Variants in HSPA12A observed in about 807,000 individuals in gnomAD.
HSPA12A encodes the protein heat shock protein family A (Hsp70) member 12A, also known as heat shock 70 kDa protein 12A.
HSPA12A carries 28 observed loss-of-function variants against 69.2 expected under a neutral mutation model. The observed-to-expected ratio is 0.40, with a 90% CI of 0.30 to 0.55. The LOEUF is 0.55. Among genes scored for constraint, HSPA12A ranks in the 20% least tolerant of loss-of-function variants. The pLI is 0.38. For synonymous variants in HSPA12A, 345 were observed against 370.5 expected, an observed-to-expected ratio of 0.93 and a Z score of 0.79; for missense variants, 686 against 900.7, an observed-to-expected ratio of 0.76 and a Z score of 3.05.
At chr10:116,836,433 T>TC (rs1845711751) in intron 1 of HSPA12A, among the ~76,000 whole-genome samples, 1 of 152,178 alleles carries the variant, frequency 6.6e-6, no homozygotes, top group South Asian at 2.1e-4. Flanking sequence ...GAACCCTTTC[T>TC]CCCACTCTCT....
At position 116,750,753 on chromosome 10, in the gene HSPA12A, T is replaced by C. The variant is rs117925058; in HGVS notation, c.92-43468A>G. Reference sequence around the variant, plus strand: ...CACTCTGGGAGGCCAAGCGGGAGGATTGCTTGAGCCCAGGAGTTTGAGACC... The same window carrying C: ...CACTCTGGGAGGCCAAGCGGGAGGACTGCTTGAGCCCAGGAGTTTGAGACC... On this transcript the variant is annotated intron_variant, in intron 2 of 12. Transcript: ENST00000635765. 7.0e-4 allele frequency: 122 copies of C among 173,226 alleles called. 1 individual carries two copies. In the East Asian group the frequency reaches 0.018, roughly 26 times the overall value. 10.7% of individuals were successfully genotyped at this position (173,226 alleles called of 1,614,324 possible).
intron 1 of HSPA12A, among the ~76,000 whole-genome samples, chr10:116,726,721 T>C (rs558672352): frequency 1.3e-5 from 2 of 152,332 alleles, no homozygotes; most frequent in South Asian, 2.1e-4. Context: ...ATGAACGGCA[T>C]GGCCCTACTG....
chr10:116,818,900 T>A (rs1177068107), intron 2 of HSPA12A, among the ~76,000 whole-genome samples: 3 of 152,264 alleles, frequency 2.0e-5, no homozygotes, highest in Non-Finnish European at 4.4e-5. Flanking sequence ...GGAGCAATCA[T>A]CGCACCTAAG....
chr10:116,822,914 C>T (rs1845431694), intron 2 of HSPA12A, among the ~76,000 whole-genome samples: 1 of 152,120 alleles, frequency 6.6e-6, no homozygotes, highest in Non-Finnish European at 1.5e-5. Context: ...GCTACTTGCC[C>T]AGGTACAGAA....
chr10:116,850,126 A>G, upstream of HSPA12A: 1 of 300,096 alleles, frequency 3.3e-6, no homozygotes, highest in South Asian at 3.0e-5. Flanking sequence ...GACCTTAAGC[A>G]GCTCCTCTTT....
chr10:116,828,810 T>G (rs990830478), intron 2 of HSPA12A: 1 of 152,232 alleles, frequency 6.6e-6, no homozygotes, highest in African/African-American at 2.4e-5. Context: ...CTGATTTTTA[T>G]GGAAGAATGA....
rs2133128248 is a variant in HSPA12A at position 116,777,077 on chromosome 10, C to T, written c.91+57858G>A. On this transcript the variant is annotated intron_variant, in intron 2 of 12. Transcript: ENST00000635765. ...CCTGTGTAGCCCGCTGAATTGTTCT[C>T]TGACATGAGTAGTGTGAGACGCCAG... Among the ~76,000 whole-genome samples, 2 of 152,332 alleles carry T rather than the reference C, an allele frequency of 1.3e-5. 1 individual carries two copies. The highest frequency in any genetic ancestry group is 4.1e-4 in the South Asian group (2 of 4,830).
chr10:116,689,203 C>T (rs1849663836), intron 6 of HSPA12A, among the ~76,000 whole-genome samples: 2 of 148,734 alleles, frequency 1.3e-5, no homozygotes, highest in African/African-American at 5.0e-5. Flanking sequence ...GCTTTCTCCT[C>T]CACCTGGCAG....
intron 1 of HSPA12A, among the ~76,000 whole-genome samples, chr10:116,848,514 G>A (rs902678740): frequency 6.6e-6 from 1 of 152,214 alleles, no homozygotes; most frequent in Non-Finnish European, 1.5e-5. Flanking sequence ...GTGTGGCACA[G>A]ATCTTGTAAC....
chr10:116,733,780 T>G (rs1554886108), intron 1 of HSPA12A, among the ~76,000 whole-genome samples: 1 of 152,178 alleles, frequency 6.6e-6, no homozygotes, highest in Non-Finnish European at 1.5e-5. Context: ...GGAGCAAATA[T>G]TTTTTAAATG....
At chr10:116,771,137 A>G (rs1282970545) in intron 2 of HSPA12A, among the ~76,000 whole-genome samples, 1 of 152,216 alleles carries the variant, frequency 6.6e-6, no homozygotes, top group Admixed American at 6.5e-5. Context: ...AGGTGGGCGC[A>G]GGCTCAGAGC....
chr10:116,762,950 T>A (rs75806971), intron 2 of HSPA12A, among the ~76,000 whole-genome samples: 1 of 152,180 alleles, frequency 6.6e-6, no homozygotes, highest in Non-Finnish European at 1.5e-5. Flanking sequence ...TTTGCCCTCA[T>A]CCTTATCTTG....
intron 5 of HSPA12A, chr10:116,698,357 C>A: frequency 3.1e-6 from 1 of 317,726 alleles, no homozygotes; most frequent in Non-Finnish European, 5.7e-6. Flanking sequence ...GGATTTCTTT[C>A]ATTTCTCCAC....
intron 2 of HSPA12A, among the ~76,000 whole-genome samples, chr10:116,800,922 G>C (rs1330793464): frequency 6.6e-6 from 1 of 152,122 alleles, no homozygotes; most frequent in Non-Finnish European, 1.5e-5. Flanking sequence ...CTGGGGGCAG[G>C]GGCGACAGAG....
At chr10:116,741,345 G>C (rs1418570785) in intron 1 of HSPA12A, among the ~76,000 whole-genome samples, 1 of 152,258 alleles carries the variant, frequency 6.6e-6, no homozygotes, top group Admixed American at 6.5e-5. Context: ...AGTTTCTCCA[G>C]CTTTTGGGGC....
intron 1 of HSPA12A, among the ~76,000 whole-genome samples, chr10:116,837,613 A>G (rs1845737515): frequency 1.3e-5 from 2 of 152,066 alleles, no homozygotes; most frequent in African/African-American, 4.8e-5. Flanking sequence ...TCCATAGCTG[A>G]ACATATGTGC....
At chr10:116,753,951 A>G (rs1843763631) in intron 2 of HSPA12A, among the ~76,000 whole-genome samples, 1 of 152,178 alleles carries the variant, frequency 6.6e-6, no homozygotes, top group African/African-American at 2.4e-5. Flanking sequence ...GCACTAAGCC[A>G]AGCACTCAGC....
intron 2 of HSPA12A, among the ~76,000 whole-genome samples, chr10:116,765,919 C>A (rs998524349): frequency 6.6e-6 from 1 of 152,210 alleles, no homozygotes; most frequent in South Asian, 2.1e-4. Flanking sequence ...TTCCTCTTTG[C>A]AACCTGGTAC....
chr10:116,692,445 G>A lies in HSPA12A; in HGVS notation c.569C>T (p.Ser190Leu), dbSNP rs782137661. The A allele has an allele frequency of 2.5e-5, 41 of 1,613,872 alleles. No individual in the cohort carries two copies. Among genetic ancestry groups the A allele is most frequent in the African/African-American group, 8.0e-5 (6 of 74,934 alleles). ...ALKELSDQAG[S>L]EFENSDVRWV... is the part of the protein sequence containing the mutation. ...TCTGACATCAGAGTTCTCGAACTCC[G>A]AACCCGCCTGGTCACTCAGCTCCTG... The change falls in exon 6 of 12, where the codon TCG becomes TTG. Residue 190 changes from serine (S) to leucine (L), a missense_variant. By Grantham distance (145) the Ser-to-Leu change is moderately radical. Transcript: ENST00000369209.
Sources: gnomAD v4.1 joint callset for allele counts (sites outside exome capture counted in the v4.1 genomes callset) on GRCh38, gnomAD v4.1.1 for gene constraint, MANE v1.5 for transcripts, NCBI Gene and HGNC (gene_info 2026-07-23, HGNC 2026-07-21) for gene names.